AFF1: variants seen among roughly 807,000 people sequenced by gnomAD.
The protein encoded by AFF1 is ALF transcription elongation factor 1.
Under a neutral mutation model 121.7 loss-of-function variants are expected in AFF1, and 48 were observed. The observed-to-expected ratio is 0.39, with a 90% CI of 0.31 to 0.50. The LOEUF (loss-of-function observed/expected upper bound fraction) is 0.50. Among genes scored for constraint, AFF1 ranks in the 20% least tolerant of loss-of-function variants. The pLI is 0.76. For missense variants in AFF1, 1,523 were observed against 1,511.7 expected (o/e 1.01, Z -0.12); for synonymous variants, 613 against 563.0 (o/e 1.09, Z -1.26).
chr4:87,048,274 ATTCAATTATGGG>A (rs975878285), intron 4 of AFF1, among the ~76,000 whole-genome samples: 3 of 152,232 alleles, frequency 2.0e-5, no homozygotes, highest in African/African-American at 7.2e-5. Context: ...ACAGAATGTT[ATTCAATTATGGG>A]TTTTAAAAGT....
intron 2 of AFF1, among the ~76,000 whole-genome samples, chr4:86,964,743 A>G (rs1722416951): frequency 6.6e-6 from 1 of 152,176 alleles, no homozygotes; most frequent in African/African-American, 2.4e-5. Context: ...TGTTATATAC[A>G]TCCTTCTCGT....
In AFF1 at chr4:87,114,905, C is replaced by T; in HGVS notation, c.2072C>T (p.Ser691Leu). 1 of 1,612,746 alleles carries T rather than the reference C, an allele frequency of 6.2e-7. No individual in the cohort carries two copies. Residue 691 changes from serine (S) to leucine (L), a missense_variant, in exon 12 of 21, where the codon TCA becomes TTA. This residue lies in a region of AFF1 where 905 missense variants were observed against 842.5 expected (regional missense o/e 1.07). Transcript: ENST00000395146. ...SSLPAPSKAL[S>L]GPEPAKDNVE... Reference sequence around the variant, plus strand: ...CTCCCTGCCCCCTCTAAGGCTCTCTCAGGCCCAGAACCCGCGAAGGACAAT... The same window carrying T: ...CTCCCTGCCCCCTCTAAGGCTCTCTTAGGCCCAGAACCCGCGAAGGACAAT...
At position 87,114,399 on chromosome 4, in the gene AFF1, G is replaced by A. The variant is rs200982752; in HGVS notation, c.1566G>A (p.Leu522=). ...PEPPTTNKWQ[L]DNWLTKVSQP... ...CTCCAACAACAAACAAATGGCAGCT[G>A]GACAACTGGCTGACCAAAGTCAGCC... Residue 522 remains leucine, a synonymous_variant, in exon 12 of 21, where the codon CTG becomes CTA. Coordinates refer to ENST00000395146, the MANE Select transcript of AFF1 (RefSeq NM_001166693.3). The A allele has an allele frequency of 6.9e-6, 11 of 1,604,710 alleles. No homozygotes were observed. In the African/African-American group the frequency reaches 1.1e-4, roughly 16 times the overall value.
In AFF1 at chr4:87,135,592, G is replaced by A. The variant is rs1357389683; in HGVS notation, c.3548G>A (p.Arg1183Gln). 5.7e-6 allele frequency: 9 copies of A among 1,570,454 alleles called. No individual in the cohort carries two copies. Among genetic ancestry groups the A allele is most frequent in the Middle Eastern group, 1.7e-4 (1 of 5,942 alleles). ...GTTTTTTTTGCAGAATTCTTTGCTC[G>A]GCTCAGCACAAATGTGTGCACCTTG... is the stretch of plus-strand genomic sequence containing the variant. ...LTRKNKEFFA[R>Q]LSTNVCTLAL... The change falls in exon 21 of 21, where the codon CGG becomes CAG. Residue 1183 changes from arginine to glutamine, a missense_variant. Around this residue, in one of 5 missense-constraint regions of AFF1, gnomAD observed 241 missense variants for 265.2 expected, o/e 0.91. Transcript: ENST00000395146.
intron 2 of AFF1, among the ~76,000 whole-genome samples, chr4:87,044,151 C>T (rs1456079172): frequency 6.6e-6 from 1 of 152,154 alleles, no homozygotes; most frequent in Non-Finnish European, 1.5e-5. Context: ...GTAGTGAATT[C>T]AGTCAGGCAG....
At chr4:87,000,064 AAATC>A (rs1207376614) in intron 2 of AFF1, among the ~76,000 whole-genome samples, 1 of 152,204 alleles carries the variant, frequency 6.6e-6, no homozygotes, top group East Asian at 1.9e-4. Flanking sequence ...TTTGATAACA[AAATC>A]AATCATGTAG....
intron 2 of AFF1, among the ~76,000 whole-genome samples, chr4:86,962,145 CTTTTT>C: frequency 8.2e-6 from 1 of 122,576 alleles, no homozygotes; most frequent in Admixed American, 8.5e-5. Context: ...GTTATTGTTT[CTTTTT>C]TTTTTTTTTT....
chr4:87,057,557 TG>T (rs1397062030), intron 4 of AFF1, among the ~76,000 whole-genome samples: 1 of 149,904 alleles, frequency 6.7e-6, no homozygotes, highest in East Asian at 1.9e-4. Flanking sequence ...ATGGAACTCT[TG>T]GTAGTGGTAG....
intron 2 of AFF1, among the ~76,000 whole-genome samples, chr4:86,983,631 C>T (rs888038954): frequency 6.6e-6 from 1 of 152,052 alleles, no homozygotes; most frequent in Non-Finnish European, 1.5e-5. Context: ...ATTGCATGAA[C>T]CCCGGAGGTG....
At chr4:87,134,384 G>T in intron 19 of AFF1, 87 bp from the exon 20 acceptor site, 2 of 1,259,236 alleles carry the variant, frequency 1.6e-6, no homozygotes, top group Non-Finnish European at 2.2e-6. Flanking sequence ...TTTGTGTCTT[G>T]GACTGTAGTT....
intron 12 of AFF1, among the ~76,000 whole-genome samples, chr4:87,123,246 C>T (rs78400348): frequency 0.036 from 5,504 of 152,254 alleles, 338 homozygotes; most frequent in African/African-American, 0.13. Context: ...TTACTTTAAT[C>T]AACTCCCAAA....
chr4:86,985,189 AT>A (rs1724127928), intron 2 of AFF1, among the ~76,000 whole-genome samples: 1 of 101,576 alleles, frequency 9.8e-6, no homozygotes, highest in African/African-American at 3.9e-5. Flanking sequence ...TACTATATAT[AT>A]ATATATATAT....
intron 2 of AFF1, among the ~76,000 whole-genome samples, chr4:86,998,116 A>C (rs1023479192): frequency 6.7e-4 from 101 of 150,984 alleles, no homozygotes; most frequent in African/African-American, 1.5e-3. Flanking sequence ...AAAAAAAAAA[A>C]AAAAAAAAAA....
intron 12 of AFF1, among the ~76,000 whole-genome samples, chr4:87,120,547 G>A (rs1403555945): frequency 1.3e-5 from 2 of 152,240 alleles, no homozygotes; most frequent in East Asian, 3.8e-4. Flanking sequence ...AGTCCCGTGA[G>A]CTTTCCTCTT....
intron 2 of AFF1, among the ~76,000 whole-genome samples, chr4:86,997,166 C>T (rs1469540428): frequency 6.6e-6 from 1 of 152,098 alleles, no homozygotes; most frequent in East Asian, 1.9e-4. Context: ...CCCGCCTTGG[C>T]CCCCCAAAGT....
intron 2 of AFF1, among the ~76,000 whole-genome samples, chr4:86,952,818 C>CT (rs1721455135): frequency 6.6e-6 from 1 of 151,400 alleles, no homozygotes; most frequent in South Asian, 2.1e-4. Flanking sequence ...GTAGCTGGCA[C>CT]TACAGGCACC....
At chr4:87,023,080 A>T (rs998194454) in intron 2 of AFF1, among the ~76,000 whole-genome samples, 142 of 150,656 alleles carry the variant, frequency 9.4e-4, no homozygotes, top group Non-Finnish European at 6.1e-4. Flanking sequence ...CTAATTTTTA[A>T]TTTTTTTTTG....
At chr4:87,035,524 G>A (rs969581323) in intron 2 of AFF1, among the ~76,000 whole-genome samples, 2 of 151,592 alleles carry the variant, frequency 1.3e-5, no homozygotes, top group Non-Finnish European at 2.9e-5. Context: ...TCGCGCCACT[G>A]CACTCCAGCC....
intron 2 of AFF1, among the ~76,000 whole-genome samples, chr4:87,037,375 G>A (rs1312998350): frequency 6.6e-6 from 1 of 152,034 alleles, no homozygotes; most frequent in South Asian, 2.1e-4. Context: ...GCAGTGGCGC[G>A]TTCTCAGCTC....
Sources: gnomAD v4.1 joint callset for allele counts (sites outside exome capture counted in the v4.1 genomes callset) on GRCh38, gnomAD v4.1.1 for gene constraint, gnomAD v4.1.1 regional missense constraint, MANE v1.5 for transcripts, NCBI Gene and HGNC (gene_info 2026-07-23, HGNC 2026-07-21) for gene names.